The following GLI2 variants were observed in gnomAD, a reference collection of about 807,000 sequenced individuals.
GLI2 encodes the protein GLI family zinc finger 2, also known as transcription activator GLI2.
In GLI2, 22 loss-of-function variants were observed where a neutral mutation model predicts 78.9. The ratio of observed to expected loss-of-function variants is 0.28; its 90% CI spans 0.20 to 0.40. GLI2 has a LOEUF of 0.40. Among genes scored for constraint, GLI2 ranks in the 10% least tolerant of loss-of-function variants. GLI2 has a pLI of 1.00. For synonymous variants in GLI2, 974 were observed against 963.7 expected (o/e 1.01, Z -0.20); for missense variants, 2,097 against 2,213.2 (o/e 0.95, Z 1.05).
chr2:120,869,557 C>G (rs1319528463), intron 2 of GLI2, among the ~76,000 whole-genome samples: 1 of 152,202 alleles, frequency 6.6e-6, no homozygotes. Context: ...TCCAGCATTC[C>G]TCTTCCTGAT....
chr2:120,859,452 CTTTTTTT>C (rs57311162), intron 2 of GLI2, among the ~76,000 whole-genome samples: 1 of 125,498 alleles, frequency 8.0e-6, no homozygotes, highest in Non-Finnish European at 1.7e-5. Context: ...ATACTCCCTC[CTTTTTTT>C]TTTTTTTTTT....
At chr2:120,916,995 G>A (rs1006164275) in intron 2 of GLI2, among the ~76,000 whole-genome samples, 37 of 152,034 alleles carry the variant, frequency 2.4e-4, no homozygotes, top group African/African-American at 8.0e-4. Context: ...ATTGGGCCTG[G>A]GATCTCCACA....
At chr2:120,797,739 G>C (rs1214178244) in intron 2 of GLI2, among the ~76,000 whole-genome samples, 1 of 152,116 alleles carries the variant, frequency 6.6e-6, no homozygotes, top group Admixed American at 6.5e-5. Flanking sequence ...AGAGGGAGGA[G>C]GGGAGAGAGG....
In GLI2 at chr2:120,801,743, G is replaced by T. The variant is rs1184125334; in HGVS notation, c.148+4275G>T. On this transcript the variant is annotated intron_variant, in intron 2 of 13. Transcript: ENST00000361492. Reference sequence around the variant, plus strand: ...GAAAGCTCGGAAAACCCAGGCAGGAGCTCCTGGATGCCAGGCTGGTGTGGT... The same window carrying T: ...GAAAGCTCGGAAAACCCAGGCAGGATCTCCTGGATGCCAGGCTGGTGTGGT... Among the ~76,000 whole-genome samples the T allele has an allele frequency of 2.6e-5, 4 of 152,162 alleles. No individual in the cohort carries two copies. In the East Asian group the frequency reaches 7.7e-4, roughly 29 times the overall value.
chr2:120,804,892 G>T (rs1160670173), intron 2 of GLI2, among the ~76,000 whole-genome samples: 1 of 152,232 alleles, frequency 6.6e-6, no homozygotes, highest in Non-Finnish European at 1.5e-5. Context: ...GGAAGAGCAT[G>T]GCTTGGGGTC....
At chr2:120,920,132 T>C (rs6754352) in intron 2 of GLI2, among the ~76,000 whole-genome samples, 142,240 of 152,316 alleles carry the variant, frequency 0.93, 66,469 homozygotes, top group East Asian at 1. Flanking sequence ...TAACTGGAGA[T>C]GGTGCTAATC....
chr2:120,855,182 G>A (rs1479625112), intron 2 of GLI2, among the ~76,000 whole-genome samples: 2 of 152,222 alleles, frequency 1.3e-5, no homozygotes, highest in African/African-American at 4.8e-5. Context: ...CAGGGAAGAG[G>A]CTACAGGAAG....
chr2:120,887,608 G>A (rs903288271), intron 2 of GLI2, among the ~76,000 whole-genome samples: 2 of 152,234 alleles, frequency 1.3e-5, no homozygotes, highest in African/African-American at 4.8e-5. Context: ...AGAAGTTTGG[G>A]TATTTAGTGG....
At chr2:120,876,883 G>A (rs192801720) in intron 2 of GLI2, among the ~76,000 whole-genome samples, 2 of 152,324 alleles carry the variant, frequency 1.3e-5, no homozygotes, top group Admixed American at 6.5e-5. Flanking sequence ...GGCCCTTTCC[G>A]TGTCCCTGTG....
intron 5 of GLI2, among the ~76,000 whole-genome samples, chr2:120,962,557 G>A (rs73950000): frequency 0.036 from 5,502 of 152,290 alleles, 320 homozygotes; most frequent in African/African-American, 0.12. Context: ...GTTGGCGTCC[G>A]CCCAGGTGAG....
Position 120,975,641 on chromosome 2 carries a change from T to C in GLI2, c.1317+532T>C, listed in dbSNP as rs144844853. ...ACACCCAGATCAGAGAGGAGGTTGC[T>C]TAACAGTGCCTGAGTACTGACAGCT... On this transcript the variant is annotated intron_variant, in intron 9 of 13. Coordinates refer to ENST00000361492, the MANE Select transcript of GLI2 (RefSeq NM_001374353.1). Among the ~76,000 whole-genome samples the C allele has an allele frequency of 3.6e-3, 551 of 152,288 alleles. 3 individuals are homozygous for C. The highest frequency in any genetic ancestry group is 0.013 in the African/African-American group (523 of 41,554).
Position 120,772,434 on chromosome 2 carries a change from A to C in GLI2, c.-30-24857A>C, listed in dbSNP as rs1023904616. 1.1e-4 allele frequency among the ~76,000 whole-genome samples: 16 copies of C among 152,300 alleles called. 1 individual carries two copies. The highest frequency in any genetic ancestry group is 5.8e-4 in the East Asian group (3 of 5,180). On this transcript the variant is annotated intron_variant, in intron 1 of 13. Transcript: ENST00000361492. Reference sequence around the variant, plus strand: ...ATAGAGCACACTTGTTTTGCTTTCTATATGGGCTAGTGTGGAGCCTCGCAG... The same window carrying C: ...ATAGAGCACACTTGTTTTGCTTTCTCTATGGGCTAGTGTGGAGCCTCGCAG...
intron 2 of GLI2, among the ~76,000 whole-genome samples, chr2:120,890,196 A>G (rs1677610943): frequency 6.6e-6 from 1 of 152,212 alleles, no homozygotes; most frequent in South Asian, 2.1e-4. Flanking sequence ...TGCTGAGTGC[A>G]AAAGCCAATC....
intron 2 of GLI2, among the ~76,000 whole-genome samples, chr2:120,881,872 C>A (rs1677170023): frequency 6.7e-6 from 1 of 149,576 alleles, no homozygotes; most frequent in Non-Finnish European, 1.5e-5. Context: ...GGAAGGAGGG[C>A]AGGTGGAGCT....
At chr2:120,862,449 C>G (rs1687944797) in intron 2 of GLI2, among the ~76,000 whole-genome samples, 1 of 152,198 alleles carries the variant, frequency 6.6e-6, no homozygotes, top group Non-Finnish European at 1.5e-5. Context: ...TGCCCTGCCA[C>G]TAAGGTATCC....
At chr2:120,945,681 G>A (rs1680671638) in intron 3 of GLI2, among the ~76,000 whole-genome samples, 3 of 152,042 alleles carry the variant, frequency 2.0e-5, no homozygotes, top group African/African-American at 7.2e-5. Context: ...TCCTTCTTGG[G>A]CTCTCCCCTG....
intron 2 of GLI2, among the ~76,000 whole-genome samples, chr2:120,889,961 T>C (rs1030545570): frequency 6.6e-6 from 1 of 152,206 alleles, no homozygotes; most frequent in Admixed American, 6.5e-5. Flanking sequence ...CCCTTGGGCA[T>C]TTATTCCAGA....
intron 3 of GLI2, among the ~76,000 whole-genome samples, chr2:120,950,940 GC>G (rs1158684887): frequency 1.3e-5 from 2 of 152,236 alleles, no homozygotes; most frequent in African/African-American, 4.8e-5. Context: ...CGTGTGGGCG[GC>G]CTGCTGTGCG....
At chr2:120,765,743 A>G (rs1683348161) in intron 1 of GLI2, among the ~76,000 whole-genome samples, 1 of 152,256 alleles carries the variant, frequency 6.6e-6, no homozygotes, top group South Asian at 2.1e-4. Flanking sequence ...TTGGCCTAGC[A>G]AAGCTCTTTC....
Sources: gnomAD v4.1 joint callset for allele counts (sites outside exome capture counted in the v4.1 genomes callset) on GRCh38, gnomAD v4.1.1 for gene constraint, MANE v1.5 for transcripts, NCBI Gene and HGNC (gene_info 2026-07-23, HGNC 2026-07-21) for gene names.